The following HTR2C variants were observed in gnomAD, a reference collection of about 807,000 sequenced individuals.
HTR2C encodes 5-hydroxytryptamine (serotonin) receptor 2C, G protein-coupled.
In HTR2C, 5 loss-of-function variants were observed where a neutral mutation model predicts 21.0. The ratio of observed to expected loss-of-function variants is 0.24; its 90% CI spans 0.12 to 0.50. The LOEUF (loss-of-function observed/expected upper bound fraction) is 0.50. HTR2C is among the 20% of genes least tolerant of loss of function. The pLI is 0.98. For synonymous variants in HTR2C, 150 were observed against 145.3 expected, an observed-to-expected ratio of 1.03 and a Z score of -0.23; for missense variants, 271 against 371.2, an observed-to-expected ratio of 0.73 and a Z score of 2.22.
At chrX:114,806,340 C>CAT (rs1407853409) in intron 4 of HTR2C, among the ~76,000 whole-genome samples, 1 of 92,777 alleles carries the variant, frequency 1.1e-5, no homozygotes, top group Non-Finnish European at 2.1e-5. Flanking sequence ...ATATATACAC[C>CAT]ATATATATAC....
chrX:114,757,003 C>T (rs1455970891), intron 4 of HTR2C, among the ~76,000 whole-genome samples: 1 of 111,279 alleles, frequency 9.0e-6, no homozygotes, highest in Non-Finnish European at 1.9e-5. Flanking sequence ...TTCCATCTCT[C>T]AGGAGACCTT....
At chrX:114,881,901 T>C (rs1172769230) in intron 5 of HTR2C, among the ~76,000 whole-genome samples, 1 of 110,547 alleles carries the variant, frequency 9.0e-6, no homozygotes, top group African/African-American at 3.3e-5. Context: ...GGGATGCTGA[T>C]AGTAATTTTG....
chrX:114,840,352 G>C (rs1320051710), intron 4 of HTR2C, among the ~76,000 whole-genome samples: 1 of 111,482 alleles, frequency 9.0e-6, no homozygotes, highest in East Asian at 2.8e-4. Context: ...ATGGCAATTT[G>C]TGGGCTAAAA....
intron 4 of HTR2C, among the ~76,000 whole-genome samples, chrX:114,840,371 A>G (rs781964865): frequency 1.8e-4 from 20 of 111,965 alleles, no homozygotes; most frequent in Non-Finnish European, 3.2e-4. Flanking sequence ...AAAATAATAT[A>G]TGAAATATAA....
chrX:114,760,133 G>A (rs2069851391), intron 4 of HTR2C, among the ~76,000 whole-genome samples: 2 of 111,532 alleles, frequency 1.8e-5, no homozygotes, highest in Admixed American at 1.9e-4. Context: ...TAAGCAAAAA[G>A]CAAGAGGCAA....
chrX:114,764,949 CTTCT>C lies in HTR2C; in HGVS notation c.349+33343_349+33346del, dbSNP rs1397225365. The stretch of plus-strand genomic sequence containing the variant: ...TTTTCCTTCCTTCCTTCCTTCCTTC[CTTCT>C]ATCTTTCTTCCTTCCTTTCTTCCTT... On this transcript the variant is annotated intron_variant, in intron 4 of 5. Coordinates refer to ENST00000276198, the MANE Select transcript of HTR2C (RefSeq NM_000868.4). Among the ~76,000 whole-genome samples the C allele has an allele frequency of 1.8e-3, 143 of 80,855 alleles. 1 individual carries two copies. The Middle Eastern group carries it at 0.023, about 13-fold the overall frequency. The allele number at this position is 80,855 out of a possible 115,157, so 70.2% of individuals were successfully genotyped here.
chrX:114,729,052 T>C (rs2069510950), intron 3 of HTR2C, among the ~76,000 whole-genome samples: 1 of 112,219 alleles, frequency 8.9e-6, no homozygotes, highest in African/African-American at 3.2e-5. Context: ...AAACAGAACA[T>C]TGTTTTTTAA....
Position 114,731,970 on chromosome X carries a change from A to G in HTR2C, c.349+363A>G, listed in dbSNP as rs59473753. ...ACATACCTACTACCATCTCTGATAC[A>G]AAGAAGGAAAAACCGGCTCATCCTC... On this transcript the variant is annotated intron_variant, in intron 4 of 5. Coordinates refer to ENST00000276198, the MANE Select transcript of HTR2C (RefSeq NM_000868.4). 7.8e-3 allele frequency among the ~76,000 whole-genome samples: 869 copies of G among 111,577 alleles called. 14 individuals carry two copies. Among genetic ancestry groups the G allele is most frequent in the African/African-American group, 0.026 (812 of 30,779 alleles).
At chrX:114,875,650 A>G (rs2071127674) in intron 5 of HTR2C, among the ~76,000 whole-genome samples, 1 of 111,030 alleles carries the variant, frequency 9.0e-6, no homozygotes, top group Admixed American at 9.6e-5. Flanking sequence ...TTTATTGAAG[A>G]GAGAACCCTG....
intron 2 of HTR2C, among the ~76,000 whole-genome samples, chrX:114,688,562 G>A (rs1390590513): frequency 9.0e-6 from 1 of 111,568 alleles, no homozygotes; most frequent in Non-Finnish European, 1.9e-5. Context: ...TTTGCTACCT[G>A]GGATTAGAAA....
chrX:114,631,997 G>A (rs1343823245), intron 2 of HTR2C, among the ~76,000 whole-genome samples: 2 of 111,946 alleles, frequency 1.8e-5, no homozygotes, highest in Admixed American at 1.9e-4. Flanking sequence ...ACCTATCCCA[G>A]TGCCTTTCAT....
intron 5 of HTR2C, among the ~76,000 whole-genome samples, chrX:114,884,993 G>A (rs2071209972): frequency 9.1e-6 from 1 of 110,059 alleles, no homozygotes; most frequent in Admixed American, 9.8e-5. Flanking sequence ...GTGCACTTTA[G>A]AAGAATGTAA....
chrX:114,789,088 G>C (rs782106971), intron 4 of HTR2C, among the ~76,000 whole-genome samples: 7 of 112,185 alleles, frequency 6.2e-5, no homozygotes, highest in African/African-American at 1.9e-4. Context: ...AAAAATTACA[G>C]TTCTCAAGAA....
At chrX:114,610,811 G>C (rs1172880727) in intron 1 of HTR2C, among the ~76,000 whole-genome samples, 4 of 110,347 alleles carry the variant, frequency 3.6e-5, no homozygotes, top group African/African-American at 1.0e-4. Flanking sequence ...TTAGCTGAGA[G>C]GAAAAAAATT....
At chrX:114,776,504 G>A (rs1169966357) in intron 4 of HTR2C, 7 of 548,353 alleles carry the variant, frequency 1.3e-5, no homozygotes, top group Non-Finnish European at 2.3e-5. Context: ...CATCATGAAG[G>A]GCCAATGCTT....
intron 5 of HTR2C, among the ~76,000 whole-genome samples, chrX:114,902,940 T>C (rs782558291): frequency 8.9e-6 from 1 of 112,085 alleles, no homozygotes; most frequent in South Asian, 3.7e-4. Context: ...TTTAATATCT[T>C]GTTTGACAGA....
intron 2 of HTR2C, among the ~76,000 whole-genome samples, chrX:114,723,362 T>G: frequency 8.9e-6 from 1 of 111,821 alleles, no homozygotes; most frequent in Non-Finnish European, 1.9e-5. Context: ...AGTGGTAATA[T>G]CCCCTTTGTC....
chrX:114,899,689 C>T (rs1238224974), intron 5 of HTR2C, among the ~76,000 whole-genome samples: 10 of 111,103 alleles, frequency 9.0e-5, no homozygotes, highest in Non-Finnish European at 1.5e-4. Context: ...TGTTCTCCAT[C>T]GGTTGAGTTG....
At chrX:114,599,145 C>T (rs1406146317) in intron 1 of HTR2C, among the ~76,000 whole-genome samples, 1 of 110,914 alleles carries the variant, frequency 9.0e-6, no homozygotes, top group Non-Finnish European at 1.9e-5. Context: ...TTTTTGGCTT[C>T]AAAAATTAGA....
Sources: allele counts gnomAD v4.1 joint callset (sites outside exome capture counted in the v4.1 genomes callset), GRCh38; gene constraint gnomAD v4.1.1; transcripts MANE v1.5; gene names NCBI Gene and HGNC (gene_info 2026-07-23, HGNC 2026-07-21).